HECTD4: variants seen among roughly 807,000 people sequenced by gnomAD.
HECTD4 encodes the protein HECT domain E3 ubiquitin protein ligase 4.
In HECTD4, 114 loss-of-function variants were observed where a neutral mutation model predicts 471.5. That is an observed-to-expected ratio of 0.24 (90% CI 0.21 to 0.28). The LOEUF (loss-of-function observed/expected upper bound fraction) is 0.28, where lower values mean the gene tolerates loss of function less well. HECTD4 is among the 10% of genes least tolerant of loss of function. The pLI is 1.00. For missense variants in HECTD4, 3,866 were observed against 5,651.5 expected, an observed-to-expected ratio of 0.68 and a Z score of 10.13; for synonymous variants, 2,012 against 2,256.0, an observed-to-expected ratio of 0.89 and a Z score of 3.07.
intron 20 of HECTD4, 139 bp downstream of exon 20, chr12:112,258,357 T>C (rs986616119): frequency 7.4e-6 from 4 of 543,702 alleles, no homozygotes; most frequent in African/African-American, 5.9e-5. Context: ...GCTACAGTTA[T>C]CTAAAATTTT....
chr12:112,162,723 C>T lies in HECTD4; in HGVS notation c.13121-200G>A. The T allele has an allele frequency of 1.8e-5, 11 of 615,118 alleles. No homozygotes were observed. The highest frequency in any genetic ancestry group is 1.4e-5 in the Non-Finnish European group (5 of 358,294). The allele number at this position is 615,118 out of a possible 1,614,324, so 38.1% of individuals were successfully genotyped here. ...AAGGGGAGAGAGCTGCTGGACAGCG[C>T]ATGTGCCAAACTGCTGATGGGTTTG... On this transcript the variant is annotated intron_variant, in intron 75 of 75. Coordinates refer to ENST00000682272, the MANE Select transcript of HECTD4 (RefSeq NM_001388303.1). The surrounding 1 kb of genome is among the most constrained non-coding windows in gnomAD (Gnocchi z 5.2).
intron 2 of HECTD4, among the ~76,000 whole-genome samples, chr12:112,314,933 AAATCTT>A (rs2035448316): frequency 1.3e-5 from 2 of 152,242 alleles, no homozygotes; most frequent in Admixed American, 1.3e-4. Context: ...CTTGATTTTA[AAATCTT>A]TGCTAAGTTC....
chr12:112,247,512 C>A lies in HECTD4; in HGVS notation c.4287G>T (p.Lys1429Asn). 1 of 1,539,664 alleles carries A rather than the reference C, an allele frequency of 6.5e-7. No individual in the cohort carries two copies. Among genetic ancestry groups the A allele is most frequent in the Admixed American group, 2.0e-5 (1 of 49,326 alleles). The change falls in exon 28 of 76, where the codon AAG becomes AAT. Residue 1429 changes from lysine to asparagine, a missense_variant. By Grantham distance (94) the Lys-to-Asn change is moderately conservative (BLOSUM62 0). Transcript: ENST00000682272. The part of the protein sequence containing the change: ...MKELELLCSM[K>N]EVSFDGNDLE... The stretch of plus-strand genomic sequence containing the variant: ...GATCATTCCCATCAAAGGAGACTTC[C>A]TTCATTGAACATAAAAGTTCTAGTT...
rs144116378 is a variant in HECTD4 at position 112,270,238 on chromosome 12, C to G, written c.2164G>C (p.Val722Leu). Residue 722 changes from valine (V) to leucine (L), a missense_variant, in exon 12 of 76, where the codon GTT (valine) becomes CTT (leucine). Physicochemically the swap from Val to Leu is conservative, Grantham distance 32. This residue lies in a region of HECTD4 where 525 missense variants were observed against 672.6 expected (regional missense o/e 0.78). Coordinates refer to ENST00000682272, the MANE Select transcript of HECTD4 (RefSeq NM_001388303.1). ...GDTCIIRCILVVFQVVFKFFF... is the reference protein window; with the variant it reads ...GDTCIIRCILLVFQVVFKFFF... ...AACAGTGTATTTACCTGAAAGACAA[C>G]GAGAATGCAGCGTATAATACAGGTA... 3 of 1,612,312 alleles carry G rather than the reference C, an allele frequency of 1.9e-6. No individual in the cohort carries two copies. The highest frequency in any genetic ancestry group is 2.5e-6 in the Non-Finnish European group (3 of 1,178,378).
intron 7 of HECTD4, 76 bp from the exon 8 acceptor site, chr12:112,283,378 T>C (rs1404427607): frequency 2.6e-6 from 3 of 1,135,048 alleles, no homozygotes; most frequent in East Asian, 2.5e-5. Flanking sequence ...GAGGATATTA[T>C]TGTGAGTAAA....
At chr12:112,327,901 A>G (rs983130923) in intron 1 of HECTD4, among the ~76,000 whole-genome samples, 1 of 152,196 alleles carries the variant, frequency 6.6e-6, no homozygotes, top group Non-Finnish European at 1.5e-5. Context: ...CTATCAATGA[A>G]CAATAAAACC....
At chr12:112,233,148 GC>G in intron 37 of HECTD4, 63 bp from the exon 38 acceptor site, 1 of 1,332,720 alleles carries the variant, frequency 7.5e-7, no homozygotes. Flanking sequence ...TGGGCTGCAT[GC>G]CATGGGGTCA....
chr12:112,292,846 C>A (rs1179652638), intron 7 of HECTD4, among the ~76,000 whole-genome samples: 2 of 151,994 alleles, frequency 1.3e-5, no homozygotes, highest in Non-Finnish European at 2.9e-5. Context: ...CATAGTGAAA[C>A]CCCGTCCCTA....
intron 20 of HECTD4, chr12:112,258,242 A>G (rs554084436): frequency 3.3e-6 from 1 of 299,270 alleles, no homozygotes; most frequent in Admixed American, 5.1e-5. Flanking sequence ...ATAATATTTT[A>G]CATCCCCACT....
At chr12:112,328,218 A>C (rs1435574655) in intron 1 of HECTD4, among the ~76,000 whole-genome samples, 10 of 151,886 alleles carry the variant, frequency 6.6e-5, no homozygotes, top group Admixed American at 6.6e-4. Flanking sequence ...AGCTTACTGC[A>C]ACCTCCACCA....
chr12:112,330,275 T>C (rs1272779137), intron 1 of HECTD4, among the ~76,000 whole-genome samples: 2 of 137,702 alleles, frequency 1.5e-5, no homozygotes, highest in Admixed American at 7.6e-5. Flanking sequence ...ATACTTTGTC[T>C]CAAAAAAAAA....
Position 112,270,368 on chromosome 12 carries a change from G to A in HECTD4, c.2034C>T (p.Asn678=). ...AGACACTTGTGATTGGAAGATTGGG[G>A]TTGGTGGCAAGAAGATTGAGTTGGT... ...CIHQLNLLAT[N]PNLPITSVLG... The change falls in exon 12 of 76, where the codon AAC becomes AAT. Residue 678 remains asparagine, a synonymous_variant. Coordinates refer to ENST00000682272, the MANE Select transcript of HECTD4 (RefSeq NM_001388303.1). The A allele has an allele frequency of 6.2e-7, 1 of 1,614,030 alleles. No homozygotes were observed. Among genetic ancestry groups the A allele is most frequent in the Non-Finnish European group, 8.5e-7 (1 of 1,179,910 alleles).
At chr12:112,167,031 G>A (rs1302654473) in intron 72 of HECTD4, 2 of 332,036 alleles carry the variant, frequency 6.0e-6, no homozygotes, top group African/African-American at 2.1e-5. Context: ...TGTTCACTCA[G>A]CTCCAGGAGC....
In HECTD4 at chr12:112,355,240, G is replaced by A. The variant is rs1339889350; in HGVS notation, c.177+26712C>T. Reference sequence around the variant, plus strand: ...CAGGCCCGCCTTGGCCTCTCAGAGTGCTGGGATAACAGGTGTGAGCCACCG... The same window carrying A: ...CAGGCCCGCCTTGGCCTCTCAGAGTACTGGGATAACAGGTGTGAGCCACCG... On this transcript the variant is annotated intron_variant, in intron 1 of 75. Transcript: ENST00000682272. Among the ~76,000 whole-genome samples the A allele has an allele frequency of 1.9e-4, 28 of 148,276 alleles. No homozygotes were observed. In the Admixed American group the frequency reaches 1.9e-3, roughly 10 times the overall value.
At chr12:112,170,531 C>T (rs1029525679) in intron 68 of HECTD4, 79 bp from the exon 69 acceptor site, 14 of 1,550,398 alleles carry the variant, frequency 9.0e-6, no homozygotes, top group Middle Eastern at 1.8e-4. Context: ...CTCTTCCGGT[C>T]CCTGGGTGTG....
intron 21 of HECTD4, among the ~76,000 whole-genome samples, chr12:112,254,785 A>G (rs573432706): frequency 2.0e-5 from 3 of 152,344 alleles, no homozygotes; most frequent in South Asian, 2.1e-4. Context: ...TCATGTATCA[A>G]TATTTCTCTA....
intron 70 of HECTD4, among the ~76,000 whole-genome samples, chr12:112,169,191 GCACA>G (rs59862465): frequency 0.013 from 2,039 of 152,296 alleles, 54 homozygotes; most frequent in African/African-American, 0.047. Flanking sequence ...CTCTCATGGG[GCACA>G]CACAAGCCTT....
At chr12:112,297,160 AGGTGTAGGTGCAGAG>A (rs1462414895) in intron 7 of HECTD4, among the ~76,000 whole-genome samples, 1 of 136,768 alleles carries the variant, frequency 7.3e-6, no homozygotes, top group Non-Finnish European at 1.6e-5. Context: ...TAGATGCAGA[AGGTGTAGGTGCAGAG>A]GGTGTAGGTG....
chr12:112,231,399 G>A (rs543660783), intron 39 of HECTD4, 114 bp downstream of exon 39: 5 of 946,612 alleles, frequency 5.3e-6, no homozygotes, highest in Admixed American at 2.0e-5. Flanking sequence ...AGCAGATGGC[G>A]GCCTCATTTC....
Sources: allele counts gnomAD v4.1 joint callset (sites outside exome capture counted in the v4.1 genomes callset), GRCh38; gene constraint gnomAD v4.1.1; regional missense constraint gnomAD v4.1.1; non-coding constraint Gnocchi (gnomAD v3.1); transcripts MANE v1.5; gene names NCBI Gene and HGNC (gene_info 2026-07-23, HGNC 2026-07-21).